The following ARHGEF3 variants were observed in gnomAD, a reference collection of about 807,000 sequenced individuals.
ARHGEF3 encodes Rho guanine nucleotide exchange factor 3, also known as 59.8 kDA protein.
Under a neutral mutation model 63.2 loss-of-function variants are expected in ARHGEF3, and 28 were observed. The observed-to-expected ratio is 0.44, with a 90% confidence interval of 0.33 to 0.61. ARHGEF3 has a LOEUF of 0.61. ARHGEF3 is among the 20% of genes least tolerant of loss of function. ARHGEF3 has a pLI of 0.03. For synonymous variants in ARHGEF3, 266 were observed against 254.2 expected, an observed-to-expected ratio of 1.05 and a Z score of -0.44; for missense variants, 533 against 659.3, an observed-to-expected ratio of 0.81 and a Z score of 2.10.
chr3:57,001,585 C>G (rs1256912328), intron 2 of ARHGEF3, among the ~76,000 whole-genome samples: 1 of 152,200 alleles, frequency 6.6e-6, no homozygotes, highest in African/African-American at 2.4e-5. Flanking sequence ...AATATGTAAA[C>G]AGAAATCTGC....
chr3:56,732,374 G>A lies in ARHGEF3; in HGVS notation c.1092C>T (p.Val364=). Reference sequence around the variant, plus strand: ...GGTAGCAAAGCTGCTCATTGTGGGTGACGGCTCGAGTGATCACAAGCACTT... The same window carrying A: ...GGTAGCAAAGCTGCTCATTGTGGGTAACGGCTCGAGTGATCACAAGCACTT... ...FQEVLVITRA[V]THNEQLCYQL... Residue 364 remains valine (V), a synonymous_variant, in exon 9 of 10, where the codon GTC becomes GTT. Transcript: ENST00000296315. The A allele has an allele frequency of 1.2e-6, 2 of 1,614,180 alleles. No individual in the cohort carries two copies. Among genetic ancestry groups the A allele is most frequent in the Non-Finnish European group, 1.7e-6 (2 of 1,180,032 alleles).
chr3:56,935,755 C>T lies in ARHGEF3; in HGVS notation c.129+23068G>A, dbSNP rs534749319. On this transcript the variant is annotated intron_variant, in intron 3 of 12. Coordinates refer to the ARHGEF3 transcript ENST00000338458. Reference sequence around the variant, plus strand: ...AACTCCACACGCGCCACCTTAAGAGCTGTAACACTCACCACGAGGGTCCGT... The same window carrying T: ...AACTCCACACGCGCCACCTTAAGAGTTGTAACACTCACCACGAGGGTCCGT... 7.2e-5 allele frequency among the ~76,000 whole-genome samples: 11 copies of T among 152,304 alleles called. No individual in the cohort carries two copies. The South Asian group carries it at 2.3e-3, about 32-fold the overall frequency.
chr3:56,841,862 T>C (rs1205633655), intron 4 of ARHGEF3, among the ~76,000 whole-genome samples: 1 of 152,202 alleles, frequency 6.6e-6, no homozygotes, highest in Non-Finnish European at 1.5e-5. Context: ...AACAAGAAGT[T>C]GAACACTGAA....
At chr3:56,957,036 C>T (rs991531563) in intron 3 of ARHGEF3, among the ~76,000 whole-genome samples, 1 of 152,184 alleles carries the variant, frequency 6.6e-6, no homozygotes, top group Non-Finnish European at 1.5e-5. Context: ...TTAATACACT[C>T]AGTATGTCCC....
At chr3:56,834,460 T>G (rs910576896) in intron 4 of ARHGEF3, among the ~76,000 whole-genome samples, 3 of 152,152 alleles carry the variant, frequency 2.0e-5, no homozygotes, top group African/African-American at 7.2e-5. Context: ...ATACTATGTA[T>G]GTATTCAGAA....
chr3:56,990,088 A>G (rs1701692170), intron 2 of ARHGEF3, among the ~76,000 whole-genome samples: 1 of 152,224 alleles, frequency 6.6e-6, no homozygotes, highest in African/African-American at 2.4e-5. Flanking sequence ...GCTCTGCCCC[A>G]TCTACCATCT....
intron 4 of ARHGEF3, among the ~76,000 whole-genome samples, chr3:56,835,162 T>TTTTTG (rs1002050057): frequency 2.2e-4 from 33 of 152,244 alleles, no homozygotes; most frequent in Admixed American, 3.3e-4. Flanking sequence ...CATTAGGCTT[T>TTTTTG]TTTTGTTTTG....
intron 6 of ARHGEF3, among the ~76,000 whole-genome samples, chr3:56,748,894 G>T (rs1303180163): frequency 2.0e-5 from 3 of 152,122 alleles, no homozygotes; most frequent in Non-Finnish European, 2.9e-5. Flanking sequence ...CACTTGGAAG[G>T]CTCACTTGTT....
chr3:56,822,388 A>G (rs2038539861), intron 4 of ARHGEF3, among the ~76,000 whole-genome samples: 2 of 152,224 alleles, frequency 1.3e-5, no homozygotes, highest in African/African-American at 4.8e-5. Flanking sequence ...TAATTAGATT[A>G]TAGGACATCC....
chr3:56,814,687 G>GA (rs2038202739), intron 4 of ARHGEF3, among the ~76,000 whole-genome samples: 1 of 151,396 alleles, frequency 6.6e-6, no homozygotes, highest in African/African-American at 2.4e-5. Flanking sequence ...ATGAATTAAG[G>GA]AAAAAAGGTG....
intron 2 of ARHGEF3, among the ~76,000 whole-genome samples, chr3:57,014,408 C>T (rs548045429): frequency 6.6e-6 from 1 of 152,168 alleles, no homozygotes; most frequent in African/African-American, 2.4e-5. Flanking sequence ...CACCCCTGTT[C>T]ATCACAACCT....
chr3:56,824,303 G>A (rs200909395), intron 4 of ARHGEF3, among the ~76,000 whole-genome samples: 3 of 152,194 alleles, frequency 2.0e-5, no homozygotes, highest in African/African-American at 7.2e-5. Flanking sequence ...TATTTATTTT[G>A]GAGGGGGAAG....
chr3:56,775,032 T>C lies in ARHGEF3; in HGVS notation c.97-1216A>G, dbSNP rs1381273525. The C allele has an allele frequency of 3.9e-6, 6 of 1,549,698 alleles. No homozygotes were observed. In the South Asian group the frequency reaches 4.8e-5, roughly 12 times the overall value. ...CTCCTAAGCTCCATCTGACCTGTAG[T>C]AGATGCTAGACAGCACATGAAGATA... On this transcript the variant is annotated intron_variant, in intron 1 of 9. Transcript: ENST00000296315.
chr3:56,907,927 A>G (rs1223174613), intron 3 of ARHGEF3, among the ~76,000 whole-genome samples: 1 of 152,182 alleles, frequency 6.6e-6, no homozygotes, highest in Non-Finnish European at 1.5e-5. Flanking sequence ...ACTGGGCTTA[A>G]TCCTTAGTGA....
chr3:56,737,258 C>T lies in ARHGEF3; in HGVS notation c.968G>A (p.Gly323Asp), dbSNP rs1319783205. 14 of 1,613,852 alleles carry T rather than the reference C, an allele frequency of 8.7e-6. No individual in the cohort carries two copies. The South Asian group carries it at 1.5e-4, about 18-fold the overall frequency. The change falls in exon 8 of 10, where the codon GGC (glycine) becomes GAC (aspartate). Residue 323 changes from glycine (G) to aspartate (D), a missense_variant. Transcript: ENST00000296315. ...GCTGTCGATCAGGGAGTCTTTCTGG[C>T]CTTCTTCCAAGTAAAGAAGCCGCTC... ...YKERLLYLEE[G>D]QKDSLIDSSR...
At chr3:57,024,442 G>A (rs1017458738) in intron 2 of ARHGEF3, among the ~76,000 whole-genome samples, 1 of 151,596 alleles carries the variant, frequency 6.6e-6, no homozygotes, top group Non-Finnish European at 1.5e-5. Context: ...GCTTATTTCT[G>A]TAATAAAACA....
At chr3:56,792,113 A>AAAAAAAGAAAAG (rs55899473) in intron 1 of ARHGEF3, among the ~76,000 whole-genome samples, 1 of 139,984 alleles carries the variant, frequency 7.1e-6, no homozygotes, top group African/African-American at 3.0e-5. Context: ...CAAAAAAAAA[A>AAAAAAAGAAAAG]AAAAGAAAAG....
At chr3:57,003,280 G>C (rs1157243110) in intron 2 of ARHGEF3, among the ~76,000 whole-genome samples, 1 of 151,140 alleles carries the variant, frequency 6.6e-6, no homozygotes, top group African/African-American at 2.4e-5. Context: ...GCGCACTCCT[G>C]TAGTCCCAGC....
At position 56,877,452 on chromosome 3, in the gene ARHGEF3, G is replaced by A. The variant is rs539436550; in HGVS notation, c.192+4840C>T. 4.4e-4 allele frequency among the ~76,000 whole-genome samples: 65 copies of A among 148,032 alleles called. 3 individuals are homozygous for A. In the South Asian group the frequency reaches 0.014, roughly 31 times the overall value. On this transcript the variant is annotated intron_variant, in intron 4 of 12. Transcript: ENST00000338458. ...TGCAGCAGCACAATCACAGCTCACT[G>A]CAGCAACCTCCCAGGCTCAATCGAT... is the stretch of plus-strand genomic sequence containing the variant.
Sources: allele counts gnomAD v4.1 joint callset (sites outside exome capture counted in the v4.1 genomes callset), GRCh38; gene constraint gnomAD v4.1.1; transcripts MANE v1.5; gene names NCBI Gene and HGNC (gene_info 2026-07-23, HGNC 2026-07-21).